KCND3: variants seen among roughly 807,000 people sequenced by gnomAD.
The protein encoded by KCND3 is potassium voltage-gated channel subfamily D member 3, also known as A-type voltage-gated potassium channel KCND3.
A neutral mutation model predicts 51.1 loss-of-function variants in KCND3; 9 were observed. The ratio of observed to expected loss-of-function variants is 0.18; its 90% confidence interval spans 0.11 to 0.31. KCND3 has a LOEUF of 0.31. KCND3 is among the 10% of genes least tolerant of loss of function. The pLI, the probability that KCND3 is intolerant of heterozygous loss-of-function variation, is 1.00. For missense variants in KCND3, 526 were observed against 903.8 expected, an observed-to-expected ratio of 0.58 and a Z score of 5.36; for synonymous variants, 349 against 368.0, an observed-to-expected ratio of 0.95 and a Z score of 0.59.
chr1:111,907,036 A>G (rs1670678013), intron 2 of KCND3, among the ~76,000 whole-genome samples: 1 of 152,118 alleles, frequency 6.6e-6, no homozygotes, highest in Non-Finnish European at 1.5e-5. Flanking sequence ...CAGTGGGATG[A>G]CATCTCTGTC....
chr1:111,943,498 T>C (rs1672629274), intron 2 of KCND3, among the ~76,000 whole-genome samples: 1 of 152,214 alleles, frequency 6.6e-6, no homozygotes, highest in African/African-American at 2.4e-5. Context: ...GCGAGTGACT[T>C]GTCCAAAGTC....
At chr1:111,964,099 C>G (rs1226337789) in intron 2 of KCND3, among the ~76,000 whole-genome samples, 1 of 152,184 alleles carries the variant, frequency 6.6e-6, no homozygotes, top group Non-Finnish European at 1.5e-5. Flanking sequence ...AGGAGGGAAA[C>G]AGGCACTTAC....
intron 2 of KCND3, among the ~76,000 whole-genome samples, chr1:111,836,278 C>G (rs1420059066): frequency 1.3e-5 from 2 of 152,206 alleles, no homozygotes; most frequent in Non-Finnish European, 2.9e-5. Flanking sequence ...CGCCTGCCTT[C>G]TTGGGGCTCC....
At chr1:111,967,499 C>T (rs1052104210) in intron 2 of KCND3, among the ~76,000 whole-genome samples, 10 of 152,214 alleles carry the variant, frequency 6.6e-5, no homozygotes, top group African/African-American at 2.4e-4. Context: ...GATCTGCGTC[C>T]TGCCAGCTCA....
chr1:111,970,807 C>G (rs1338994183), intron 2 of KCND3, among the ~76,000 whole-genome samples: 2 of 152,238 alleles, frequency 1.3e-5, no homozygotes, highest in African/African-American at 4.8e-5. Context: ...GTCCCCACCT[C>G]TTTCTCTCTT....
intron 2 of KCND3, among the ~76,000 whole-genome samples, chr1:111,842,094 T>C (rs919843641): frequency 2.6e-5 from 4 of 152,150 alleles, no homozygotes; most frequent in Non-Finnish European, 4.4e-5. Context: ...GGAGGCAATA[T>C]GGGCATCACT....
chr1:111,945,953 CCT>C (rs1353804974), intron 2 of KCND3, among the ~76,000 whole-genome samples: 1 of 152,152 alleles, frequency 6.6e-6, no homozygotes, highest in African/African-American at 2.4e-5. Context: ...ACTTACTAGC[CCT>C]GTGACCTCAG....
In KCND3 at chr1:111,989,487, C is replaced by G. The variant is rs1324707575; in HGVS notation, c.-73+18G>C. On this transcript the variant is annotated intron_variant, in intron 1 of 7. Coordinates refer to ENST00000302127, the MANE Select transcript of KCND3 (RefSeq NM_001378969.1). ...TCGCACTTCCTGGCTCCAGAAGGCT[C>G]GGTCGCGTCCCTCTTACCTTCCGCG... is the stretch of plus-strand genomic sequence containing the variant. Among the ~76,000 whole-genome samples the G allele has an allele frequency of 2.0e-5, 3 of 151,800 alleles. No individual in the cohort carries two copies. Among genetic ancestry groups the G allele is most frequent in the Non-Finnish European group, 4.4e-5 (3 of 67,896 alleles).
intron 2 of KCND3, among the ~76,000 whole-genome samples, chr1:111,811,338 A>G (rs1665838549): frequency 6.6e-6 from 1 of 152,208 alleles, no homozygotes; most frequent in South Asian, 2.1e-4. Flanking sequence ...AGATGGAAAA[A>G]GAGAGGTCAA....
chr1:111,983,965 C>A (rs925356145), intron 1 of KCND3, among the ~76,000 whole-genome samples: 74 of 152,290 alleles, frequency 4.9e-4, no homozygotes, highest in Non-Finnish European at 1.2e-4. Context: ...CAAATGTATA[C>A]CATCTGTGGG....
intron 2 of KCND3, among the ~76,000 whole-genome samples, chr1:111,853,449 C>G (rs1416663306): frequency 6.6e-6 from 1 of 152,162 alleles, no homozygotes; most frequent in Non-Finnish European, 1.5e-5. Flanking sequence ...TGGGGGGAAT[C>G]TCCTTTGCTT....
rs553671965 is a variant in KCND3, at chr1:111,832,985, G to A, written c.1107-45879C>T. Among the ~76,000 whole-genome samples the A allele has an allele frequency of 2.4e-3, 362 of 152,338 alleles. 8 individuals carry two copies. The highest frequency in any genetic ancestry group is 4.3e-3 in the South Asian group (21 of 4,830). On this transcript the variant is annotated intron_variant, in intron 2 of 7. Transcript: ENST00000302127. ...GGGGCAGGTGGGAAGCAAGAGGGGC[G>A]AGAGCCAAGAAAGCAGCAGGACCAT...
chr1:111,952,955 A>C (rs763407699), intron 2 of KCND3, among the ~76,000 whole-genome samples: 3 of 152,332 alleles, frequency 2.0e-5, no homozygotes, highest in South Asian at 2.1e-4. Context: ...CATTTTATTG[A>C]GCACTTACTA....
chr1:111,831,700 T>C (rs1666840590), intron 2 of KCND3, among the ~76,000 whole-genome samples: 1 of 152,236 alleles, frequency 6.6e-6, no homozygotes, highest in African/African-American at 2.4e-5. Flanking sequence ...TTCTCAAATG[T>C]GGATCCACAG....
At chr1:111,848,316 G>C (rs1282664580) in intron 2 of KCND3, among the ~76,000 whole-genome samples, 1 of 152,204 alleles carries the variant, frequency 6.6e-6, no homozygotes. Flanking sequence ...TCCTGACCCT[G>C]GGACCCCAGA....
At chr1:111,975,594 A>G (rs1674584215) in intron 2 of KCND3, among the ~76,000 whole-genome samples, 1 of 152,186 alleles carries the variant, frequency 6.6e-6, no homozygotes, top group Admixed American at 6.5e-5. Flanking sequence ...TCTGGCAGCC[A>G]GAGCAATCCT....
At chr1:111,854,209 A>G (rs910568097) in intron 2 of KCND3, among the ~76,000 whole-genome samples, 2 of 152,188 alleles carry the variant, frequency 1.3e-5, no homozygotes, top group Admixed American at 1.3e-4. Flanking sequence ...CTAGTTGGAA[A>G]CCTTCTTGAC....
At chr1:111,856,241 G>A (rs977934709) in intron 2 of KCND3, among the ~76,000 whole-genome samples, 1 of 152,238 alleles carries the variant, frequency 6.6e-6, no homozygotes. Context: ...GTGGGGAGAT[G>A]TTTTCAGAAG....
intron 2 of KCND3, among the ~76,000 whole-genome samples, chr1:111,848,621 C>T (rs1256369695): frequency 6.6e-6 from 1 of 152,258 alleles, no homozygotes; most frequent in African/African-American, 2.4e-5. Context: ...ACTCACAGAG[C>T]CACACAGGCT....
Sources: gnomAD v4.1 joint callset for allele counts (sites outside exome capture counted in the v4.1 genomes callset) on GRCh38, gnomAD v4.1.1 for gene constraint, MANE v1.5 for transcripts, NCBI Gene and HGNC (gene_info 2026-07-23, HGNC 2026-07-21) for gene names.